Variants in ADSL observed in about 807,000 individuals in gnomAD.
ADSL encodes the protein adenylosuccinase.
Under a neutral mutation model 62.1 loss-of-function variants are expected in ADSL, and 44 were observed. The observed-to-expected ratio is 0.71, with a 90% CI of 0.56 to 0.91. The LOEUF is 0.91. Ranked by LOEUF, ADSL falls within the 40% of genes least tolerant of loss-of-function variation. The probability of loss-of-function intolerance (pLI) is 0.00; values close to 1 mark genes in which losing one functional copy is unlikely to be tolerated. For missense variants in ADSL, 531 were observed against 627.4 expected (o/e 0.85, Z 1.64); for synonymous variants, 198 against 220.5 (o/e 0.90, Z 0.90).
In ADSL at chr22:40,375,826, C is replaced by G. The variant is rs117209489; in HGVS notation, c.89+9328C>G. 6.7e-3 allele frequency among the ~76,000 whole-genome samples: 1,011 copies of G among 151,842 alleles called. 6 individuals carry two copies. Among genetic ancestry groups the G allele is most frequent in the Non-Finnish European group, 0.012 (798 of 67,894 alleles). On this transcript the variant is annotated intron_variant, in intron 2 of 2. Transcript: ENST00000498234. ...GCTGAGGTGGAAGGATCACTGAAGC[C>G]CAGGAGGTCAAGACCAGCCTGGGCA... is the stretch of plus-strand genomic sequence containing the variant.
At chr22:40,363,093 G>A in intron 10 of ADSL, 22 bp downstream of exon 10, 1 of 1,605,092 alleles carries the variant, frequency 6.2e-7, no homozygotes. Flanking sequence ...CAATTCAAAA[G>A]TAAAGTACTA....
intron 2 of ADSL, among the ~76,000 whole-genome samples, chr22:40,350,565 C>T (rs1367079365): frequency 6.6e-6 from 1 of 152,142 alleles, no homozygotes; most frequent in Non-Finnish European, 1.5e-5. Flanking sequence ...CATTGGTTTG[C>T]TGGATGTAAG....
At chr22:40,352,550 G>A (rs935828541) in intron 2 of ADSL, among the ~76,000 whole-genome samples, 3 of 152,032 alleles carry the variant, frequency 2.0e-5, no homozygotes, top group African/African-American at 7.2e-5. Context: ...AAAAGAAAAC[G>A]GGAGGAAAGT....
chr22:40,353,275 T>C (rs2044417824), intron 3 of ADSL, 158 bp downstream of exon 3: 1 of 713,870 alleles, frequency 1.4e-6, no homozygotes, highest in Admixed American at 2.0e-5. Flanking sequence ...ACTAATTGTT[T>C]CTTCTTCTCC....
At position 40,367,873 on chromosome 22, in the gene ADSL, T is replaced by C. The variant is rs2045049647; in HGVS notation, c.*1351T>C. On this transcript the variant is annotated 3_prime_UTR_variant, in exon 13 of 13. Transcript: ENST00000623063. The stretch of plus-strand genomic sequence containing the variant: ...AGAGGAAAAAGTTAATAAAGATCAA[T>C]GTAAATAAGTTAATCTTAAACTCAG... 1 of 152,172 alleles carries C rather than the reference T, an allele frequency of 6.6e-6. No individual in the cohort carries two copies. The highest frequency in any genetic ancestry group is 1.5e-5 in the Non-Finnish European group (1 of 68,020). 9.4% of individuals were successfully genotyped at this position (152,172 alleles called of 1,614,324 possible).
intron 2 of ADSL, chr22:40,376,389 A>G (rs1282134454): frequency 2.6e-5 from 4 of 151,848 alleles, no homozygotes; most frequent in Non-Finnish European, 5.9e-5. Flanking sequence ...CCTGGGCTCA[A>G]GAGGTCCTCC....
intron 11 of ADSL, chr22:40,364,590 A>G (rs1467023781): frequency 6.2e-6 from 4 of 644,188 alleles, no homozygotes; most frequent in Non-Finnish European, 1.1e-5. Flanking sequence ...CTCCTAGTGA[A>G]GGAATGAGGT....
At chr22:40,376,059 A>G (rs1219536823) in intron 2 of ADSL, among the ~76,000 whole-genome samples, 1 of 151,966 alleles carries the variant, frequency 6.6e-6, no homozygotes, top group Non-Finnish European at 1.5e-5. Context: ...AAAACTGGAA[A>G]AAAAAAAACA....
chr22:40,353,392 A>G (rs1244681141), intron 3 of ADSL: 1 of 702,340 alleles, frequency 1.4e-6, no homozygotes, highest in Admixed American at 2.0e-5. Context: ...TCCCAGGCTC[A>G]GACAGCTCTC....
In ADSL at chr22:40,350,045, T is replaced by G. The variant is rs2146623665; in HGVS notation, c.357+10T>G. 6.2e-7 allele frequency: 1 copy of G among 1,610,922 alleles called. No homozygotes were observed. Among genetic ancestry groups the G allele is most frequent in the Admixed American group, 1.7e-5 (1 of 59,998 alleles). ...TGTTGGAGACAATACTGTAGGCGCC[T>G]GTGTTGTTTATACTTAAAACTCAGT... On this transcript the variant is annotated intron_variant, in intron 2 of 12. Transcript: ENST00000623063.
chr22:40,384,008 G>T lies in ADSL; in HGVS notation c.90-6222G>T, dbSNP rs149752640. Among the ~76,000 whole-genome samples, 154 of 152,292 alleles carry T rather than the reference G, an allele frequency of 1.0e-3. 1 individual carries two copies. In the East Asian group the frequency reaches 0.017, roughly 17 times the overall value. ...TCATGCCTGTAATCCTAACACTTTG[G>T]GAGGCCAAAGTGGGAGGATTGCTTG... On this transcript the variant is annotated intron_variant, in intron 2 of 2. Transcript: ENST00000498234.
intron 4 of ADSL, among the ~76,000 whole-genome samples, chr22:40,358,303 G>A (rs898568098): frequency 6.6e-5 from 10 of 152,220 alleles, no homozygotes; most frequent in Middle Eastern, 3.4e-3. Flanking sequence ...GTCTCTTGCC[G>A]TGCATCACAG....
chr22:40,364,493 T>A, intron 11 of ADSL, 128 bp downstream of exon 11: 1 of 852,474 alleles, frequency 1.2e-6, no homozygotes. Flanking sequence ...TACAGAGCAG[T>A]GGCCATAATC....
At chr22:40,381,044 G>A (rs1254102292) in intron 2 of ADSL, among the ~76,000 whole-genome samples, 3 of 152,110 alleles carry the variant, frequency 2.0e-5, no homozygotes, top group African/African-American at 7.2e-5. Flanking sequence ...CATGATAATG[G>A]TTTAGCATGA....
At position 40,364,382 on chromosome 22, in the gene ADSL, G is replaced by A. The variant is rs1160304907; in HGVS notation, c.1191+17G>A. 1 of 1,610,262 alleles carries A rather than the reference G, an allele frequency of 6.2e-7. No homozygotes were observed. On this transcript the variant is annotated intron_variant, in intron 11 of 12. Transcript: ENST00000623063. ...AGCCGCCAGGTTTGTAACCCCTCAT[G>A]TTCCTGGATAAGTTGAGAGTGCACG...
chr22:40,375,522 G>T (rs543503114), intron 2 of ADSL, among the ~76,000 whole-genome samples: 1 of 151,838 alleles, frequency 6.6e-6, no homozygotes, highest in Non-Finnish European at 1.5e-5. Context: ...ATAGGTTGCA[G>T]TGAGCCGAGA....
intron 2 of ADSL, chr22:40,352,172 TTA>T (rs1345903268): frequency 6.6e-6 from 1 of 152,184 alleles, no homozygotes; most frequent in East Asian, 1.9e-4. Context: ...ACGAGCAGCT[TTA>T]TGTTTCCTAA....
intron 6 of ADSL, 79 bp downstream of exon 6, chr22:40,359,385 T>TA (rs1316270696): frequency 7.4e-6 from 11 of 1,488,194 alleles, no homozygotes; most frequent in Non-Finnish European, 9.4e-6. Context: ...GATTTGACCT[T>TA]ACAATTTTTG....
intron 7 of ADSL, 85 bp downstream of exon 7, chr22:40,360,577 A>G (rs2146659300): frequency 1.1e-6 from 1 of 940,206 alleles, no homozygotes; most frequent in South Asian, 1.3e-5. Context: ...TTACTTAACC[A>G]TCTCTCTCAA....
Sources: gnomAD v4.1 joint callset for allele counts (sites outside exome capture counted in the v4.1 genomes callset) on GRCh38, gnomAD v4.1.1 for gene constraint, MANE v1.5 for transcripts, NCBI Gene and HGNC (gene_info 2026-07-23, HGNC 2026-07-21) for gene names.